Variants in INPP4A observed in about 807,000 individuals in gnomAD.
INPP4A encodes inositol polyphosphate-4-phosphatase type I A, also known as inositol polyphosphate-4-phosphatase, type I, 107kD.
In INPP4A, 33 loss-of-function variants were observed where a neutral mutation model predicts 119.8. The observed-to-expected ratio is 0.28, with a 90% CI of 0.21 to 0.37. The LOEUF is 0.37. Ranked by LOEUF, INPP4A falls within the 10% of genes least tolerant of loss-of-function variation. The pLI, the probability that INPP4A is intolerant of heterozygous loss-of-function variation, is 1.00. For missense variants in INPP4A, 956 were observed against 1,289.9 expected (o/e 0.74, Z 3.97); for synonymous variants, 496 against 500.7 (o/e 0.99, Z 0.12).
chr2:98,479,142 C>T lies in INPP4A; in HGVS notation c.-166+34057C>T, dbSNP rs76118546. Among the ~76,000 whole-genome samples, 101 of 152,282 alleles carry T rather than the reference C, an allele frequency of 6.6e-4. 2 individuals carry two copies. The East Asian group carries it at 0.01, about 15-fold the overall frequency. On this transcript the variant is annotated intron_variant, in intron 1 of 24. Transcript: ENST00000409851. ...TAGAGTGCTTGTTCCTGTTCCACTCCCCACTCAAGATATTATTCGCTGATT... is the reference window on the plus strand; with the variant it reads ...TAGAGTGCTTGTTCCTGTTCCACTCTCCACTCAAGATATTATTCGCTGATT...
intron 4 of INPP4A, among the ~76,000 whole-genome samples, chr2:98,529,003 C>T (rs1051057074): frequency 8.6e-5 from 13 of 150,478 alleles, no homozygotes; most frequent in Non-Finnish European, 1.6e-4. Context: ...GGCGTGAACC[C>T]GGGAGGCGGA....
At chr2:98,480,638 ACTG>A (rs1471200898) in intron 1 of INPP4A, among the ~76,000 whole-genome samples, 1 of 152,164 alleles carries the variant, frequency 6.6e-6, no homozygotes, top group African/African-American at 2.4e-5. Flanking sequence ...CCCTCTGTGC[ACTG>A]AAGGAGTAAA....
intron 1 of INPP4A, among the ~76,000 whole-genome samples, chr2:98,504,144 T>TG (rs1683623684): frequency 2.0e-5 from 3 of 152,284 alleles, no homozygotes; most frequent in African/African-American, 7.2e-5. Context: ...GGACTGCCAG[T>TG]GGGGGTCCTC....
At chr2:98,573,928 T>C (rs1697953313) in intron 23 of INPP4A, among the ~76,000 whole-genome samples, 1 of 152,216 alleles carries the variant, frequency 6.6e-6, no homozygotes, top group Non-Finnish European at 1.5e-5. Flanking sequence ...CCCCTCCATC[T>C]TTTGAGTTCC....
intron 7 of INPP4A, among the ~76,000 whole-genome samples, chr2:98,536,621 A>G (rs1043637175): frequency 6.6e-6 from 1 of 152,204 alleles, no homozygotes; most frequent in African/African-American, 2.4e-5. Flanking sequence ...GAGTGAATGA[A>G]AGGGAAACGC....
chr2:98,561,677 G>C (rs979955345), intron 17 of INPP4A, among the ~76,000 whole-genome samples: 3 of 152,200 alleles, frequency 2.0e-5, no homozygotes, highest in Non-Finnish European at 2.9e-5. Flanking sequence ...AGCTTGTTTA[G>C]TCAAGTAAGA....
chr2:98,549,942 G>A (rs1693200262), intron 13 of INPP4A, among the ~76,000 whole-genome samples: 1 of 152,090 alleles, frequency 6.6e-6, no homozygotes, highest in African/African-American at 2.4e-5. Flanking sequence ...TCTCTACTGG[G>A]GACTCTTTCA....
chr2:98,451,354 T>TG (rs894519156), intron 1 of INPP4A, among the ~76,000 whole-genome samples: 17 of 151,888 alleles, frequency 1.1e-4, no homozygotes, highest in Admixed American at 5.9e-4. Flanking sequence ...GTGGGGGCAG[T>TG]GGGGGGATCA....
intron 24 of INPP4A, among the ~76,000 whole-genome samples, chr2:98,585,287 C>T (rs1469640123): frequency 6.6e-6 from 1 of 152,098 alleles, no homozygotes; most frequent in East Asian, 1.9e-4. Flanking sequence ...AGTGGAAGAC[C>T]CCACTGGAAC....
rs940903974 is a variant in INPP4A at position 98,537,262 on chromosome 2, G to C, written c.468-601G>C. Among the ~76,000 whole-genome samples the C allele has an allele frequency of 3.3e-5, 5 of 152,346 alleles. No individual in the cohort carries two copies. In the East Asian group the frequency reaches 5.8e-4, roughly 18 times the overall value. Reference sequence around the variant, plus strand: ...AGCCTGAAGTTCCAGGGTGTCCCCAGGTTCCCTGGATGAATCAGATGAGCC... The same window carrying C: ...AGCCTGAAGTTCCAGGGTGTCCCCACGTTCCCTGGATGAATCAGATGAGCC... On this transcript the variant is annotated intron_variant, in intron 7 of 24. Coordinates refer to ENST00000409851, the MANE Select transcript of INPP4A (RefSeq NM_001134225.2).
chr2:98,512,828 C>T (rs936111563), intron 1 of INPP4A, among the ~76,000 whole-genome samples: 1 of 152,138 alleles, frequency 6.6e-6, no homozygotes, highest in Non-Finnish European at 1.5e-5. Context: ...AGCCAGAGCC[C>T]CGAGAGGCAT....
At position 98,567,886 on chromosome 2, in the gene INPP4A, C is replaced by T. The variant is rs543479334; in HGVS notation, c.2421-685C>T. ...AATCCTGCCCTCTGAGGGATGCTCT[C>T]GGGCCACAGAGAAGCTGATGCTCGG... On this transcript the variant is annotated intron_variant, in intron 21 of 24. Coordinates refer to ENST00000409851, the MANE Select transcript of INPP4A (RefSeq NM_001134225.2). Among the ~76,000 whole-genome samples, 3 of 152,236 alleles carry T rather than the reference C, an allele frequency of 2.0e-5. No homozygotes were observed. The South Asian group carries it at 6.2e-4, about 32-fold the overall frequency.
At chr2:98,473,584 C>T (rs997743022) in intron 1 of INPP4A, among the ~76,000 whole-genome samples, 1 of 152,156 alleles carries the variant, frequency 6.6e-6, no homozygotes, top group East Asian at 1.9e-4. Flanking sequence ...ACTCTGGGCA[C>T]TGGCCATGAT....
chr2:98,551,736 C>A (rs1693560831), intron 13 of INPP4A, among the ~76,000 whole-genome samples: 1 of 152,202 alleles, frequency 6.6e-6, no homozygotes, highest in Non-Finnish European at 1.5e-5. Context: ...AGTCAGGACC[C>A]CTCATCCCAT....
chr2:98,583,575 C>G (rs1017338924), intron 24 of INPP4A, among the ~76,000 whole-genome samples: 2 of 152,182 alleles, frequency 1.3e-5, no homozygotes, highest in Admixed American at 6.5e-5. Flanking sequence ...TTTTCCAGTT[C>G]ATATTATGTT....
chr2:98,542,264 G>T (rs1256334362), intron 10 of INPP4A, among the ~76,000 whole-genome samples: 1 of 152,240 alleles, frequency 6.6e-6, no homozygotes, highest in Non-Finnish European at 1.5e-5. Flanking sequence ...TGGCCACGTA[G>T]CCCTACCTGC....
rs146729696 is a variant in INPP4A, at chr2:98,548,341, C to T, written c.1163+1647C>T. Among the ~76,000 whole-genome samples, 989 of 152,302 alleles carry T rather than the reference C, an allele frequency of 6.5e-3. 17 individuals are homozygous for T. The highest frequency in any genetic ancestry group is 0.022 in the African/African-American group (926 of 41,554). On this transcript the variant is annotated intron_variant, in intron 13 of 24. Transcript: ENST00000409851. ...GACCTGTCTTAGGATTTGCTGACTC[C>T]AGGTCCCTTTGGGAAATAGGAAGAA... is the stretch of plus-strand genomic sequence containing the variant.
intron 1 of INPP4A, among the ~76,000 whole-genome samples, chr2:98,511,435 C>T (rs1236361341): frequency 3.9e-5 from 6 of 152,114 alleles, no homozygotes; most frequent in Non-Finnish European, 5.9e-5. Context: ...TGTTAAGTGT[C>T]CTTTGAGTCA....
At chr2:98,557,636 T>C (rs1477745090) in intron 16 of INPP4A, among the ~76,000 whole-genome samples, 1 of 152,224 alleles carries the variant, frequency 6.6e-6, no homozygotes, top group East Asian at 1.9e-4. Flanking sequence ...TCATTCCAGT[T>C]CTCTACCCTG....
Sources: allele counts gnomAD v4.1 joint callset (sites outside exome capture counted in the v4.1 genomes callset), GRCh38; gene constraint gnomAD v4.1.1; transcripts MANE v1.5; gene names NCBI Gene and HGNC (gene_info 2026-07-23, HGNC 2026-07-21).